DPYS: variants seen among roughly 807,000 people sequenced by gnomAD.
The protein encoded by DPYS is dihydropyrimidinase, also known as dihydropyrimidine amidohydrolase.
In DPYS, 39 loss-of-function variants were observed where a neutral mutation model predicts 50.3. The ratio of observed to expected loss-of-function variants is 0.78; its 90% confidence interval spans 0.60 to 1.01. The LOEUF (loss-of-function observed/expected upper bound fraction) is 1.01, where lower values mean the gene tolerates loss of function less well. DPYS is among the 50% of genes least tolerant of loss of function. DPYS has a pLI of 0.00. For synonymous variants in DPYS, 245 were observed against 250.7 expected, an observed-to-expected ratio of 0.98 and a Z score of 0.22; for missense variants, 659 against 680.9, an observed-to-expected ratio of 0.97 and a Z score of 0.36.
chr8:104,440,096 T>C (rs992282060), intron 4 of DPYS, among the ~76,000 whole-genome samples: 2 of 152,158 alleles, frequency 1.3e-5, no homozygotes, highest in African/African-American at 4.8e-5. Context: ...GATAAAAATA[T>C]AGTAAAACCT....
Position 104,450,146 on chromosome 8 carries a change from G to A in DPYS, c.423+1100C>T, listed in dbSNP as rs563685794. On this transcript the variant is annotated intron_variant, in intron 2 of 9. Coordinates refer to ENST00000351513, the MANE Select transcript of DPYS (RefSeq NM_001385.3). Reference sequence around the variant, plus strand: ...GAGGGAGGGAAGAGAAGAAAAGAAAGAAGGAAGGGAGGAAGGGAGGGAGGG... The same window carrying A: ...GAGGGAGGGAAGAGAAGAAAAGAAAAAAGGAAGGGAGGAAGGGAGGGAGGG... Among the ~76,000 whole-genome samples the A allele has an allele frequency of 1.4e-3, 119 of 84,438 alleles. 3 individuals carry two copies. In the South Asian group the frequency reaches 0.046, roughly 33 times the overall value. 55.4% of individuals were successfully genotyped at this position (84,438 alleles called of 152,430 possible). A position where few individuals can be genotyped will look rare whatever the true frequency, so the allele number is the denominator to read the frequency against.
At chr8:104,436,462 T>C (rs1813150229) in intron 4 of DPYS, among the ~76,000 whole-genome samples, 1 of 151,936 alleles carries the variant, frequency 6.6e-6, no homozygotes, top group Non-Finnish European at 1.5e-5. Context: ...ATACAAAAAT[T>C]AGCTGGGCAT....
At chr8:104,386,336 C>G (rs1340874599) in intron 8 of DPYS, among the ~76,000 whole-genome samples, 1 of 151,792 alleles carries the variant, frequency 6.6e-6, no homozygotes, top group African/African-American at 2.4e-5. Flanking sequence ...AGTTCAAGAC[C>G]AGCCTGGTCA....
Position 104,466,646 on chromosome 8 carries a change from G to A in DPYS, c.264+11C>T. On this transcript the variant is annotated intron_variant, in intron 1 of 9. Coordinates refer to ENST00000351513, the MANE Select transcript of DPYS (RefSeq NM_001385.3). ...GGGTACCGCGGGGCGGGGGCGCGGCGGGGCGGGTACCTTGGTGCCCTGGTG... is the reference window on the plus strand; with the variant it reads ...GGGTACCGCGGGGCGGGGGCGCGGCAGGGCGGGTACCTTGGTGCCCTGGTG... The A allele has an allele frequency of 6.6e-7, 1 of 1,504,224 alleles. No individual in the cohort carries two copies. The highest frequency in any genetic ancestry group is 8.9e-7 in the Non-Finnish European group (1 of 1,127,288). The allele number at this position is 1,504,224 out of a possible 1,614,324, so 93.2% of individuals were successfully genotyped here.
At chr8:104,411,723 C>G (rs924477565) in intron 7 of DPYS, 13 of 152,306 alleles carry the variant, frequency 8.5e-5, no homozygotes, top group African/African-American at 3.1e-4. Flanking sequence ...AGCAATACCC[C>G]TCATGGGAGG....
At position 104,444,303 on chromosome 8, in the gene DPYS, A is replaced by G; in HGVS notation, c.738T>C (p.Ile246=). The change falls in exon 4 of 10, where the codon ATT becomes ATC. Residue 246 remains isoleucine (I), a synonymous_variant. Coordinates refer to ENST00000351513, the MANE Select transcript of DPYS (RefSeq NM_001385.3). Reference sequence around the variant, plus strand: ...CTGCAGACTTGCTCATCACATGCACAATGTAGAGAGGACAGTTCACAGCGC... The same window carrying G: ...CTGCAGACTTGCTCATCACATGCACGATGTAGAGAGGACAGTTCACAGCGC... The part of the protein sequence containing the change: ...IASAVNCPLY[I]VHVMSKSAAK... 9 of 1,614,218 alleles carry G rather than the reference A, an allele frequency of 5.6e-6. No individual in the cohort carries two copies. Among genetic ancestry groups the G allele is most frequent in the Non-Finnish European group, 7.6e-6 (9 of 1,180,038 alleles).
intron 4 of DPYS, among the ~76,000 whole-genome samples, chr8:104,434,288 G>A (rs1813053909): frequency 6.6e-6 from 1 of 152,198 alleles, no homozygotes; most frequent in Admixed American, 6.5e-5. Flanking sequence ...CAGGTAGCAG[G>A]CTTCAGAGAG....
At chr8:104,437,823 T>C (rs1327755478) in intron 4 of DPYS, among the ~76,000 whole-genome samples, 1 of 152,176 alleles carries the variant, frequency 6.6e-6, no homozygotes, top group East Asian at 1.9e-4. Flanking sequence ...CCAGTAATAG[T>C]CTCAATGAAA....
chr8:104,428,045 T>C lies in DPYS; in HGVS notation c.1027A>G (p.Thr343Ala), dbSNP rs201457190. ...CQKALGKDDF[T>A]KIPNGVNGVE... is the part of the protein sequence containing the mutation. The stretch of plus-strand genomic sequence containing the variant: ...CCATTCACCCCATTGGGGATCTTGG[T>C]AAAATCATCCTTCCCAAGAGCTTTC... The change falls in exon 6 of 10, where the codon ACC becomes GCC. Residue 343 changes from threonine (T) to alanine (A), a missense_variant. Physicochemically the swap from Thr to Ala is moderately conservative, Grantham distance 58. Coordinates refer to ENST00000351513, the MANE Select transcript of DPYS (RefSeq NM_001385.3). 471 of 1,614,238 alleles carry C rather than the reference T, an allele frequency of 2.9e-4. No individual in the cohort carries two copies. Among genetic ancestry groups the C allele is most frequent in the Middle Eastern group, 6.6e-4 (4 of 6,062 alleles).
chr8:104,396,577 T>C (rs990036094), intron 7 of DPYS, among the ~76,000 whole-genome samples: 1 of 152,100 alleles, frequency 6.6e-6, no homozygotes. Context: ...ACCCTGACAA[T>C]TATGTAATAT....
intron 7 of DPYS, among the ~76,000 whole-genome samples, chr8:104,422,623 A>G (rs1812586359): frequency 6.6e-6 from 1 of 152,260 alleles, no homozygotes; most frequent in African/African-American, 2.4e-5. Context: ...TAACATTAGT[A>G]TGATGCTCCC....
Position 104,406,976 on chromosome 8 carries a change from T to C in DPYS, c.1236-13985A>G, listed in dbSNP as rs772299885. On this transcript the variant is annotated intron_variant, in intron 7 of 9. Coordinates refer to ENST00000351513, the MANE Select transcript of DPYS (RefSeq NM_001385.3). ...ATTCACCCTTGACATTTTCACTTCA[T>C]TTTTCTTACATTTACTAATAGCACT... 2.0e-3 allele frequency among the ~76,000 whole-genome samples: 310 copies of C among 152,310 alleles called. 1 individual carries two copies. Among genetic ancestry groups the C allele is most frequent in the African/African-American group, 5.6e-3 (231 of 41,568 alleles).
Position 104,438,780 on chromosome 8 carries a change from G to A in DPYS, c.793+5468C>T, listed in dbSNP as rs146600997. Among the ~76,000 whole-genome samples, 89 of 152,250 alleles carry A rather than the reference G, an allele frequency of 5.8e-4. 1 individual carries two copies. Among genetic ancestry groups the A allele is most frequent in the African/African-American group, 2.0e-3 (85 of 41,548 alleles). Reference sequence around the variant, plus strand: ...TTAGGGCCTCTAAGTTTCTTCTTCAGCCTGTAGAGAAGAGATGTCAGGCTG... The same window carrying A: ...TTAGGGCCTCTAAGTTTCTTCTTCAACCTGTAGAGAAGAGATGTCAGGCTG... On this transcript the variant is annotated intron_variant, in intron 4 of 9. Transcript: ENST00000351513.
chr8:104,386,002 C>A (rs1811203240), intron 8 of DPYS, among the ~76,000 whole-genome samples: 1 of 152,190 alleles, frequency 6.6e-6, no homozygotes, highest in Admixed American at 6.5e-5. Flanking sequence ...ATAGGTGGCA[C>A]CTCACCTAGC....
At chr8:104,447,117 T>G (rs1813555369) in intron 3 of DPYS, among the ~76,000 whole-genome samples, 1 of 152,174 alleles carries the variant, frequency 6.6e-6, no homozygotes, top group Non-Finnish European at 1.5e-5. Flanking sequence ...ATATACCACC[T>G]GCATAAAGCT....
intron 1 of DPYS, among the ~76,000 whole-genome samples, chr8:104,462,843 T>A (rs997105635): frequency 2.0e-5 from 3 of 152,238 alleles, no homozygotes; most frequent in African/African-American, 4.8e-5. Flanking sequence ...CCACTGTACA[T>A]CTGGTATAGA....
At chr8:104,454,105 G>C (rs895467201) in intron 1 of DPYS, among the ~76,000 whole-genome samples, 1 of 152,304 alleles carries the variant, frequency 6.6e-6, no homozygotes, top group East Asian at 1.9e-4. Flanking sequence ...AAGTGTTCTG[G>C]CTGGGCATGG....
chr8:104,408,696 A>T (rs1007635278), intron 7 of DPYS, among the ~76,000 whole-genome samples: 2 of 152,212 alleles, frequency 1.3e-5, no homozygotes, highest in African/African-American at 4.8e-5. Context: ...AGGACCTAAC[A>T]TTAAAAAAAT....
At chr8:104,432,703 G>C (rs888042554) in intron 4 of DPYS, among the ~76,000 whole-genome samples, 2 of 152,164 alleles carry the variant, frequency 1.3e-5, no homozygotes, top group African/African-American at 4.8e-5. Flanking sequence ...CTTTTTAGCT[G>C]GTGACATTGT....
Sources: allele counts gnomAD v4.1 joint callset (sites outside exome capture counted in the v4.1 genomes callset), GRCh38; gene constraint gnomAD v4.1.1; transcripts MANE v1.5; gene names NCBI Gene and HGNC (gene_info 2026-07-23, HGNC 2026-07-21).